B3GLCT: variants seen among roughly 807,000 people sequenced by gnomAD.
B3GLCT encodes beta-1,3-glucosyltransferase.
B3GLCT carries 65 observed loss-of-function variants against 63.4 expected under a neutral mutation model. The ratio of observed to expected loss-of-function variants is 1.03; its 90% CI spans 0.84 to 1.26. The LOEUF (loss-of-function observed/expected upper bound fraction) is 1.26. Ranked by LOEUF, B3GLCT falls within the 50% of genes most tolerant of loss-of-function variation. The pLI is 0.00. For missense variants in B3GLCT, 577 were observed against 604.8 expected, an observed-to-expected ratio of 0.95 and a Z score of 0.48; for synonymous variants, 233 against 219.2, an observed-to-expected ratio of 1.06 and a Z score of -0.55.
intron 7 of B3GLCT, among the ~76,000 whole-genome samples, chr13:31,265,265 C>T (rs1327315042): frequency 6.6e-6 from 1 of 151,966 alleles, no homozygotes. Flanking sequence ...TCTGGCTGGC[C>T]CAGAGTAATC....
At chr13:31,214,843 G>A (rs114777057) in intron 1 of B3GLCT, among the ~76,000 whole-genome samples, 178 of 152,340 alleles carry the variant, frequency 1.2e-3, no homozygotes, top group Middle Eastern at 6.8e-3. Context: ...GGTAGCCTAA[G>A]CGTGTTGGCT....
At chr13:31,204,503 A>G (rs938847406) in intron 1 of B3GLCT, among the ~76,000 whole-genome samples, 1 of 152,064 alleles carries the variant, frequency 6.6e-6, no homozygotes, top group African/African-American at 2.4e-5. Context: ...TGGGTGGCAG[A>G]GCTTGGTGGT....
At chr13:31,237,759 C>A (rs924018108) in intron 4 of B3GLCT, among the ~76,000 whole-genome samples, 1 of 152,138 alleles carries the variant, frequency 6.6e-6, no homozygotes, top group Non-Finnish European at 1.5e-5. Context: ...AAGTTGTTGG[C>A]GTCCCAGTGC....
intron 6 of B3GLCT, 120 bp downstream of exon 6, chr13:31,248,086 T>G: frequency 1.5e-6 from 1 of 653,630 alleles, no homozygotes; most frequent in South Asian, 1.7e-5. Flanking sequence ...TTAAAAAGAA[T>G]GAAACATTGT....
intron 12 of B3GLCT, among the ~76,000 whole-genome samples, chr13:31,292,449 T>C (rs187305187): frequency 6.6e-6 from 1 of 152,284 alleles, no homozygotes; most frequent in East Asian, 1.9e-4. Flanking sequence ...CTGGGCTTTG[T>C]TTGGTTGGTA....
At chr13:31,281,956 T>G (rs1471646768) in intron 10 of B3GLCT, among the ~76,000 whole-genome samples, 1 of 152,206 alleles carries the variant, frequency 6.6e-6, no homozygotes, top group African/African-American at 2.4e-5. Flanking sequence ...TCTAGAAAGC[T>G]CTAAGAAAGA....
intron 1 of B3GLCT, among the ~76,000 whole-genome samples, chr13:31,209,315 G>C (rs1869142731): frequency 6.6e-6 from 1 of 152,284 alleles, no homozygotes; most frequent in South Asian, 2.1e-4. Flanking sequence ...CTTCAAAGTG[G>C]GTACTTGGAA....
intron 1 of B3GLCT, among the ~76,000 whole-genome samples, chr13:31,207,280 ACTG>A (rs1049240253): frequency 1.4e-5 from 2 of 142,082 alleles, no homozygotes; most frequent in East Asian, 4.3e-4. Flanking sequence ...AATCGCGTAA[ACTG>A]CTAATTTTTT....
In B3GLCT at chr13:31,236,626, T is replaced by G. The variant is rs529778056; in HGVS notation, c.270+7332T>G. 1.8e-4 allele frequency among the ~76,000 whole-genome samples: 27 copies of G among 152,268 alleles called. 1 individual carries two copies. The South Asian group carries it at 3.9e-3, about 22-fold the overall frequency. ...GCACCCAAGTAGTTATGACCAAACT[T>G]TAATTTGGTCACAAGATCCATAGTG... On this transcript the variant is annotated intron_variant, in intron 4 of 14. Coordinates refer to ENST00000343307, the MANE Select transcript of B3GLCT (RefSeq NM_194318.4).
intron 6 of B3GLCT, among the ~76,000 whole-genome samples, chr13:31,250,570 C>A (rs933513978): frequency 6.6e-6 from 1 of 152,224 alleles, no homozygotes; most frequent in Non-Finnish European, 1.5e-5. Context: ...GCAATTTTAC[C>A]CTCACAGTGT....
chr13:31,212,273 T>A (rs1869304948), intron 1 of B3GLCT, among the ~76,000 whole-genome samples: 2 of 145,882 alleles, frequency 1.4e-5, no homozygotes, highest in South Asian at 2.2e-4. Context: ...CTGGCTTTTT[T>A]TTTTTTTTTT....
At chr13:31,265,965 G>A (rs918791681) in intron 7 of B3GLCT, among the ~76,000 whole-genome samples, 5 of 152,032 alleles carry the variant, frequency 3.3e-5, no homozygotes, top group Admixed American at 2.0e-4. Context: ...CTAGGTGGTT[G>A]TGTCATTAGA....
At chr13:31,223,824 G>C (rs1190154412) in intron 3 of B3GLCT, among the ~76,000 whole-genome samples, 1 of 152,130 alleles carries the variant, frequency 6.6e-6, no homozygotes. Flanking sequence ...ATGGTGTCAG[G>C]GGGTATGCGG....
At chr13:31,297,486 TCTCA>T (rs1207379475) in intron 12 of B3GLCT, among the ~76,000 whole-genome samples, 1 of 152,040 alleles carries the variant, frequency 6.6e-6, no homozygotes, top group Non-Finnish European at 1.5e-5. Context: ...TCCCCTCTGT[TCTCA>T]CACTGCAATA....
At chr13:31,312,733 A>G (rs1349718708) in intron 12 of B3GLCT, 1 of 152,234 alleles carries the variant, frequency 6.6e-6, no homozygotes, top group African/African-American at 2.4e-5. Flanking sequence ...ACTTTCCATA[A>G]GACTAATAAA....
chr13:31,266,147 G>A (rs199530599), intron 7 of B3GLCT, among the ~76,000 whole-genome samples: 32 of 152,070 alleles, frequency 2.1e-4, no homozygotes, highest in East Asian at 1.7e-3. Flanking sequence ...GCAGGTGCCC[G>A]CCACCACACC....
chr13:31,245,857 A>G (rs1431996737), intron 4 of B3GLCT, among the ~76,000 whole-genome samples: 1 of 152,168 alleles, frequency 6.6e-6, no homozygotes, highest in Non-Finnish European at 1.5e-5. Context: ...TGAATTATTT[A>G]TATTGGGTAA....
chr13:31,233,612 A>G (rs977554491), intron 4 of B3GLCT, among the ~76,000 whole-genome samples: 1 of 152,044 alleles, frequency 6.6e-6, no homozygotes, highest in Non-Finnish European at 1.5e-5. Flanking sequence ...GCTTCCTTTT[A>G]AGGATTTTGT....
chr13:31,310,241 C>A (rs900245065), intron 12 of B3GLCT, among the ~76,000 whole-genome samples: 2 of 152,184 alleles, frequency 1.3e-5, no homozygotes, highest in African/African-American at 4.8e-5. Flanking sequence ...AGTTAGGGCA[C>A]CCTCTCATAC....
Sources: allele counts gnomAD v4.1 joint callset (sites outside exome capture counted in the v4.1 genomes callset), GRCh38; gene constraint gnomAD v4.1.1; transcripts MANE v1.5; gene names NCBI Gene and HGNC (gene_info 2026-07-23, HGNC 2026-07-21).